MMAA: variants seen among roughly 807,000 people sequenced by gnomAD.
The protein encoded by MMAA is metabolism of cobalamin associated A, also known as methylmalonic aciduria type A protein, mitochondrial.
MMAA carries 41 observed loss-of-function variants against 45.0 expected under a neutral mutation model. The ratio of observed to expected loss-of-function variants is 0.91; its 90% CI spans 0.71 to 1.18. The LOEUF (loss-of-function observed/expected upper bound fraction) is 1.18. MMAA is among the 50% of genes most tolerant of loss of function. MMAA has a pLI of 0.00. For missense variants in MMAA, 460 were observed against 495.7 expected, an observed-to-expected ratio of 0.93 and a Z score of 0.68; for synonymous variants, 154 against 178.2, an observed-to-expected ratio of 0.86 and a Z score of 1.08.
chr4:145,624,802 T>G (rs1055576811), intron 1 of MMAA: 2 of 1,606,280 alleles, frequency 1.2e-6, no homozygotes, highest in East Asian at 4.5e-5. Flanking sequence ...CAGGGCTCAT[T>G]GGCTCTGCAC....
At chr4:145,654,239 G>T (rs1486975234) in intron 6 of MMAA, 96 bp downstream of exon 6, 3 of 1,414,514 alleles carry the variant, frequency 2.1e-6, no homozygotes, top group South Asian at 1.2e-5. Context: ...AATCAATCTT[G>T]CTTCTATGTG....
At position 145,654,163 on chromosome 4, in the gene MMAA, G is replaced by A. The variant is rs778860275; in HGVS notation, c.969+20G>A. 2 of 1,613,948 alleles carry A rather than the reference G, an allele frequency of 1.2e-6. No homozygotes were observed. Among genetic ancestry groups the A allele is most frequent in the East Asian group, 2.2e-5 (1 of 44,864 alleles). On this transcript the variant is annotated intron_variant, in intron 6 of 6. Transcript: ENST00000649156. The stretch of plus-strand genomic sequence containing the variant: ...CCAAAGGTAAGCTTGCTTGCATTCT[G>A]TATCTTTCACTCTGAATGGATTGTG...
At chr4:145,650,086 T>A (rs949649873) in intron 4 of MMAA, among the ~76,000 whole-genome samples, 2 of 152,180 alleles carry the variant, frequency 1.3e-5, no homozygotes, top group African/African-American at 4.8e-5. Context: ...TTAATAAAAG[T>A]GAGAAACGTG....
In MMAA at chr4:145,655,339, C is replaced by G. The variant is rs1308323145; in HGVS notation, c.1162C>G (p.Gln388Glu). 6.2e-7 allele frequency: 1 copy of G among 1,614,078 alleles called. No individual in the cohort carries two copies. The highest frequency in any genetic ancestry group is 8.5e-7 in the Non-Finnish European group (1 of 1,180,030). The change falls in exon 7 of 7, where the codon CAG (glutamine) becomes GAG (glutamate). Residue 388 changes from glutamine (Q) to glutamate (E), a missense_variant. Physicochemically the swap from Gln to Glu is conservative, Grantham distance 29. Coordinates refer to ENST00000649156, the MANE Select transcript of MMAA (RefSeq NM_172250.3). ...CAGGACCCACCCCACAGTCCGGGAACAGATTCCACTTCTGGAACAAAAGGT... is the reference window on the plus strand; with the variant it reads ...CAGGACCCACCCCACAGTCCGGGAAGAGATTCCACTTCTGGAACAAAAGGT... ...HFRTHPTVRE[Q>E]IPLLEQKVLI...
chr4:145,629,744 G>A (rs1734288952), intron 1 of MMAA, among the ~76,000 whole-genome samples: 1 of 152,190 alleles, frequency 6.6e-6, no homozygotes, highest in Non-Finnish European at 1.5e-5. Flanking sequence ...ATCTTACGTG[G>A]ATGGCGGCAG....
chr4:145,644,350 G>A (rs183161867), intron 3 of MMAA, among the ~76,000 whole-genome samples: 6 of 152,308 alleles, frequency 3.9e-5, no homozygotes, highest in African/African-American at 1.4e-4. Context: ...GGAAGTTGAT[G>A]TATGGGGTAC....
intron 1 of MMAA, chr4:145,625,932 A>C (rs1734195982): frequency 6.3e-7 from 1 of 1,592,314 alleles, no homozygotes; most frequent in African/African-American, 1.3e-5. Context: ...TTCAGCCTGG[A>C]GAACTCCACC....
At chr4:145,648,425 T>C (rs115664448) in intron 4 of MMAA, among the ~76,000 whole-genome samples, 13 of 152,038 alleles carry the variant, frequency 8.6e-5, no homozygotes, top group Non-Finnish European at 1.8e-4. Context: ...GGATTACAGG[T>C]GTGAGCTACC....
chr4:145,635,905 A>G (rs992156286), intron 1 of MMAA, among the ~76,000 whole-genome samples: 4 of 152,198 alleles, frequency 2.6e-5, no homozygotes, highest in Admixed American at 6.5e-5. Context: ...TGTTATTTTA[A>G]TATAATTTAT....
intron 1 of MMAA, among the ~76,000 whole-genome samples, chr4:145,619,833 C>T (rs1414408254): frequency 6.6e-6 from 1 of 152,098 alleles, no homozygotes; most frequent in African/African-American, 2.4e-5. Context: ...AATTGAAACT[C>T]TTTTCTGGGA....
At chr4:145,624,945 C>T (rs757274930) in intron 1 of MMAA, 2 of 1,232,918 alleles carry the variant, frequency 1.6e-6, no homozygotes, top group Admixed American at 3.4e-5. Context: ...TTTTCCAACT[C>T]CATACCTTTG....
At chr4:145,641,463 T>A (rs148708345) in intron 2 of MMAA, among the ~76,000 whole-genome samples, 21 of 152,298 alleles carry the variant, frequency 1.4e-4, no homozygotes, top group African/African-American at 5.1e-4. Flanking sequence ...GCCCCAAGAA[T>A]TGTGGTAAAG....
chr4:145,644,572 A>G (rs1727876560), intron 3 of MMAA, among the ~76,000 whole-genome samples: 1 of 152,240 alleles, frequency 6.6e-6, no homozygotes. Context: ...GTAAAACATA[A>G]TAGTCCCAGG....
intron 5 of MMAA, among the ~76,000 whole-genome samples, chr4:145,652,405 G>A (rs1728118232): frequency 6.6e-6 from 1 of 152,104 alleles, no homozygotes; most frequent in Non-Finnish European, 1.5e-5. Context: ...GCCATGGTCA[G>A]TCTCCCATCC....
At chr4:145,619,718 G>A (rs1734053321) in intron 1 of MMAA, among the ~76,000 whole-genome samples, 1 of 152,180 alleles carries the variant, frequency 6.6e-6, no homozygotes, top group Non-Finnish European at 1.5e-5. Flanking sequence ...GCCACAGCAA[G>A]GCAGCTTTGT....
intron 1 of MMAA, chr4:145,624,968 T>G (rs1734170320): frequency 9.3e-7 from 1 of 1,078,614 alleles, no homozygotes; most frequent in Non-Finnish European, 1.4e-6. Context: ...CTGGTTTCCC[T>G]GACAGTTGGT....
In MMAA at chr4:145,639,422, CAAGGGCA is replaced by C. The variant is rs1553957907; in HGVS notation, c.290_296del (p.Gln97ProfsTer3). ...GGATAAACTTTATACTGGTTTAATC[CAAGGGCA>C]AAGGGCCTGTTTAGCAGAGGCCATA... On this transcript the variant is annotated frameshift_variant, in exon 2 of 7. Coordinates refer to ENST00000649156, the MANE Select transcript of MMAA (RefSeq NM_172250.3). LOFTEE classifies it high-confidence loss of function. 5 of 1,613,950 alleles carry C rather than the reference CAAGGGCA, an allele frequency of 3.1e-6. No individual in the cohort carries two copies. Among genetic ancestry groups the C allele is most frequent in the Non-Finnish European group, 4.2e-6 (5 of 1,180,020 alleles).
chr4:145,657,253 C>G lies in MMAA; in HGVS notation c.*1819C>G, dbSNP rs983321169. The G allele has an allele frequency of 6.6e-6, 1 of 152,198 alleles. No individual in the cohort carries two copies. The highest frequency in any genetic ancestry group is 1.9e-4 in the East Asian group (1 of 5,206). 9.4% of individuals were successfully genotyped at this position (152,198 alleles called of 1,614,324 possible). On this transcript the variant is annotated 3_prime_UTR_variant, in exon 7 of 7. Coordinates refer to ENST00000649156, the MANE Select transcript of MMAA (RefSeq NM_172250.3). ...TCATCATAAAAATCATTAGAAAACT[C>G]ATTTCTCCTTATGTTGTCGTTGTAC...
At chr4:145,651,941 T>C (rs907876935) in intron 5 of MMAA, among the ~76,000 whole-genome samples, 2 of 152,196 alleles carry the variant, frequency 1.3e-5, no homozygotes, top group African/African-American at 2.4e-5. Flanking sequence ...ATGTTGTTGC[T>C]GATCTAACGG....
Sources: allele counts gnomAD v4.1 joint callset (sites outside exome capture counted in the v4.1 genomes callset), GRCh38; gene constraint gnomAD v4.1.1; transcripts MANE v1.5; gene names NCBI Gene and HGNC (gene_info 2026-07-23, HGNC 2026-07-21).